The following HHATL variants were observed in gnomAD, a reference collection of about 807,000 sequenced individuals.
The protein encoded by HHATL is protein-cysteine N-palmitoyltransferase HHAT-like protein.
In HHATL, 49 loss-of-function variants were observed where a neutral mutation model predicts 59.7. That is an observed-to-expected ratio of 0.82 (90% CI 0.65 to 1.04). The LOEUF (loss-of-function observed/expected upper bound fraction) is 1.04, where lower values mean the gene tolerates loss of function less well. HHATL is among the 50% of genes least tolerant of loss of function. The pLI, the probability that HHATL is intolerant of heterozygous loss-of-function variation, is 0.00. For missense variants in HHATL, 605 were observed against 650.8 expected (o/e 0.93, Z 0.77); for synonymous variants, 238 against 257.3 (o/e 0.93, Z 0.72).
chr3:42,700,744 C>T lies in HHATL; in HGVS notation c.83G>A (p.Arg28Gln), dbSNP rs779951271. ...ACCTTGTGAAGCCTCAAGGAGGCCCCGGCCAGCATAGGCCAGGGCCCCACT... is the reference window on the plus strand; with the variant it reads ...ACCTTGTGAAGCCTCAAGGAGGCCCTGGCCAGCATAGGCCAGGGCCCCACT... ...VLSGALAYAG[R>Q]GLLEASQDGA... is the part of the protein sequence containing the mutation. Residue 28 changes from arginine (R) to glutamine (Q), a missense_variant, in exon 2 of 12, where the codon CGG becomes CAG. By Grantham distance (43) the Arg-to-Gln change is conservative. Coordinates refer to ENST00000441594, the MANE Select transcript of HHATL (RefSeq NM_020707.4). 63 of 1,612,966 alleles carry T rather than the reference C, an allele frequency of 3.9e-5. 1 individual carries two copies. In the South Asian group the frequency reaches 5.6e-4, roughly 14 times the overall value.
Position 42,700,781 on chromosome 3 carries a change from A to T in HHATL, c.46T>A (p.Ser16Thr). 6.2e-7 allele frequency: 1 copy of T among 1,613,854 alleles called. No individual in the cohort carries two copies. Among genetic ancestry groups the T allele is most frequent in the Non-Finnish European group, 8.5e-7 (1 of 1,179,858 alleles). Residue 16 changes from serine (S) to threonine (T), a missense_variant, in exon 2 of 12, where the codon TCT becomes ACT. By Grantham distance (58) the Ser-to-Thr change is moderately conservative. Transcript: ENST00000441594. ...ALPAAELGLY[S>T]LVLSGALAYA... is the part of the protein sequence containing the mutation. ...GCCAGGGCCCCACTCAGCACCAGAGAGTAGAGGCCCAGCTCAGCCGCCGGC... is the reference window on the plus strand; with the variant it reads ...GCCAGGGCCCCACTCAGCACCAGAGTGTAGAGGCCCAGCTCAGCCGCCGGC...
rs1413682347 is a variant in HHATL, at chr3:42,696,885, A to G, written c.1011-8T>C. Reference sequence around the variant, plus strand: ...ATGCCACGGTCAAAGTGCCTGTAAGAGGAAAGCAGATGGGCATGTTGCCAT... The same window carrying G: ...ATGCCACGGTCAAAGTGCCTGTAAGGGGAAAGCAGATGGGCATGTTGCCAT... On this transcript the variant is annotated splice_polypyrimidine_tract_variant and splice_region_variant and intron_variant, in intron 8 of 11. Coordinates refer to ENST00000441594, the MANE Select transcript of HHATL (RefSeq NM_020707.4). The G allele has an allele frequency of 2.2e-5, 36 of 1,614,160 alleles. No homozygotes were observed. Among genetic ancestry groups the G allele is most frequent in the Non-Finnish European group, 3.1e-5 (36 of 1,180,004 alleles).
In HHATL at chr3:42,697,521, T is replaced by G; in HGVS notation, c.852A>C (p.Pro284=). 2 of 1,613,710 alleles carry G rather than the reference T, an allele frequency of 1.2e-6. No individual in the cohort carries two copies. The highest frequency in any genetic ancestry group is 2.2e-5 in the South Asian group (2 of 91,014). ...PSDLKFANRL[P]DSALAGLAYS... is the part of the protein sequence containing the mutation. ...CTGTGGACCCACCGAGGGCACTGTC[T>G]GGGAGGCGGTTGGCGAACTTGAGGT... The change falls in exon 7 of 12, where the codon CCA becomes CCC. Residue 284 remains proline, a synonymous_variant. Coordinates refer to ENST00000441594, the MANE Select transcript of HHATL (RefSeq NM_020707.4).
intron 5 of HHATL, 61 bp downstream of exon 5, chr3:42,698,647 G>A (rs1360915996): frequency 6.0e-6 from 9 of 1,499,536 alleles, no homozygotes; most frequent in Non-Finnish European, 8.0e-6. Context: ...CAAGGACTTT[G>A]GATGAAGTGA....
chr3:42,692,904 A>C, intron 11 of HHATL, 29 bp from the exon 12 acceptor site: 6 of 1,610,014 alleles, frequency 3.7e-6, no homozygotes, highest in Non-Finnish European at 4.3e-6. Context: ...ATAGATGCTC[A>C]GGAGCAGCAC....
chr3:42,697,627 G>A lies in HHATL; in HGVS notation c.746C>T (p.Ala249Val), dbSNP rs754110706. 5 of 1,614,026 alleles carry A rather than the reference G, an allele frequency of 3.1e-6. No individual in the cohort carries two copies. In the Admixed American group the frequency reaches 5.0e-5, roughly 16 times the overall value. The stretch of plus-strand genomic sequence containing the variant: ...GGCCACCACGCTTAGGCCTGCCTGG[G>A]CTCGGATGTGCCACAGCTCACCCTC... ...RREGELWHIR[A>V]QAGLSVVAIM... Residue 249 changes from alanine to valine, a missense_variant, in exon 7 of 12, where the codon GCC becomes GTC. By Grantham distance (64) the Ala-to-Val change is moderately conservative. Transcript: ENST00000441594.
chr3:42,692,704 T>G lies in HHATL; in HGVS notation c.*47A>C. On this transcript the variant is annotated 3_prime_UTR_variant, in exon 12 of 12. Coordinates refer to ENST00000441594, the MANE Select transcript of HHATL (RefSeq NM_020707.4). ...TTTATTCTATCGGTCAGGCCCCATC[T>G]GGCCCAAGAATAGCTGAGCAGAGCC... 6.2e-7 allele frequency: 1 copy of G among 1,613,896 alleles called. No homozygotes were observed. The highest frequency in any genetic ancestry group is 8.5e-7 in the Non-Finnish European group (1 of 1,179,834).
chr3:42,698,723 G>C lies in HHATL; in HGVS notation c.468C>G (p.Pro156=). The change falls in exon 5 of 12, where the codon CCC becomes CCG. Residue 156 remains proline (P), a synonymous_variant. Transcript: ENST00000441594. Reference sequence around the variant, plus strand: ...CAGTTCACACCTGCCAAGAGATTAGGGGGTCCATCTTGAAGGAGGCCAGGC... The same window carrying C: ...CAGTTCACACCTGCCAAGAGATTAGCGGGTCCATCTTGAAGGAGGCCAGGC... ...LASLASFKMD[P]LISWQSGFVT... is the part of the protein sequence containing the mutation. 1.3e-6 allele frequency: 2 copies of C among 1,578,112 alleles called. No homozygotes were observed. The highest frequency in any genetic ancestry group is 1.7e-6 in the Non-Finnish European group (2 of 1,166,628).
At chr3:42,694,916 T>C (rs936299355) in intron 9 of HHATL, among the ~76,000 whole-genome samples, 1 of 152,234 alleles carries the variant, frequency 6.6e-6, no homozygotes, top group Non-Finnish European at 1.5e-5. Context: ...TTATGTTTGT[T>C]TACCTGTTTA....
rs1357509240 is a variant in HHATL, at chr3:42,693,693, A to T, written c.1172T>A (p.Phe391Tyr). ...GPCDIVYLWS[F>Y]LNCFGLNFEL... The stretch of plus-strand genomic sequence containing the variant: ...AAAGTTGAGGCCAAAGCAGTTAAGG[A>T]ATGACCACAGGTAGACAATGTCACA... The change falls in exon 10 of 12, where the codon TTC becomes TAC. Residue 391 changes from phenylalanine (F) to tyrosine (Y), a missense_variant. By Grantham distance (22) the Phe-to-Tyr change is conservative. Coordinates refer to ENST00000441594, the MANE Select transcript of HHATL (RefSeq NM_020707.4). The T allele has an allele frequency of 1.1e-5, 17 of 1,614,116 alleles. No individual in the cohort carries two copies. The highest frequency in any genetic ancestry group is 1.4e-5 in the Non-Finnish European group (17 of 1,180,018).
intron 2 of HHATL, among the ~76,000 whole-genome samples, chr3:42,700,252 G>C (rs1432771818): frequency 6.8e-6 from 1 of 146,610 alleles, no homozygotes; most frequent in African/African-American, 2.5e-5. Flanking sequence ...GTCTCTCTCT[G>C]TGTGTGTGTG....
chr3:42,695,601 G>T lies in HHATL; in HGVS notation c.1046+1241C>A, dbSNP rs114497848. The stretch of plus-strand genomic sequence containing the variant: ...GTATGAGTGGAGAGATAGTATGAGT[G>T]GGGGGATCCAGGCTGGGTTGTGGGG... On this transcript the variant is annotated intron_variant, in intron 9 of 11. Coordinates refer to ENST00000441594, the MANE Select transcript of HHATL (RefSeq NM_020707.4). Among the ~76,000 whole-genome samples, 373 of 152,294 alleles carry T rather than the reference G, an allele frequency of 2.4e-3. 2 individuals are homozygous for T. Among genetic ancestry groups the T allele is most frequent in the Admixed American group, 4.1e-3 (63 of 15,298 alleles).
Position 42,697,023 on chromosome 3 carries a change from C to G in HHATL, c.988G>C (p.Ala330Pro), listed in dbSNP as rs749215110. Residue 330 changes from alanine to proline, a missense_variant, in exon 8 of 12, where the codon GCA becomes CCA. Ala to Pro is a conservative substitution (Grantham distance 27, BLOSUM62 -1). Transcript: ENST00000441594. Reference sequence around the variant, plus strand: ...CACGTTTCCGCAAAGACGTAGAGTGCGGTGATGCACTTGGGAGGCTGGGGT... The same window carrying G: ...CACGTTTCCGCAAAGACGTAGAGTGGGGTGATGCACTTGGGAGGCTGGGGT... ...DPPQPPKCIT[A>P]LYVFAETHFD... 2 of 1,601,750 alleles carry G rather than the reference C, an allele frequency of 1.2e-6. No homozygotes were observed. Among genetic ancestry groups the G allele is most frequent in the Admixed American group, 3.4e-5 (2 of 59,216 alleles).
Position 42,693,095 on chromosome 3 carries a change from G to A in HHATL, c.1372C>T (p.Arg458Trp), listed in dbSNP as rs150455507. ...CCCTCACCTGTGAGTAGCAGGCGCC[G>A]GGCAACCAGCTCTGTGAATTTGAGG... The part of the protein sequence containing the change: ...NSLKFTELVA[R>W]RLLLTGFPQT... The change falls in exon 11 of 12, where the codon CGG becomes TGG. Residue 458 changes from arginine to tryptophan, a missense_variant. Arg to Trp is a moderately radical substitution (Grantham distance 101). Transcript: ENST00000441594. The A allele has an allele frequency of 5.1e-5, 82 of 1,614,126 alleles. No individual in the cohort carries two copies. Among genetic ancestry groups the A allele is most frequent in the African/African-American group, 8.0e-5 (6 of 75,028 alleles).
chr3:42,698,189 AG>A lies in HHATL; in HGVS notation c.645del (p.Phe216SerfsTer8), dbSNP rs756459953. 2 of 1,614,092 alleles carry A rather than the reference AG, an allele frequency of 1.2e-6. No individual in the cohort carries two copies. Among genetic ancestry groups the A allele is most frequent in the African/African-American group, 2.7e-5 (2 of 74,950 alleles). On this transcript the variant is annotated frameshift_variant, in exon 6 of 12. Transcript: ENST00000441594. LOFTEE classifies it high-confidence loss of function. ...GTCATGATGGGCCCGAAGAAGAAGA[AG>A]GGCAGGTAGAAGTTGTACTTGAGCA... ...ADLLKYNFYL[P>X]FFFFGPIMTF...
intron 7 of HHATL, 101 bp from the exon 8 acceptor site, chr3:42,697,246 C>T: frequency 7.1e-6 from 10 of 1,418,098 alleles, no homozygotes; most frequent in Non-Finnish European, 8.5e-6. Flanking sequence ...CCAGGCTCTG[C>T]CCGCCCCACG....
rs1261844953 is a variant in HHATL, at chr3:42,693,159, GA to G, written c.1307del (p.Phe436SerfsTer10). Reference sequence around the variant, plus strand: ...CAAGGTTGTACATGATGATGGCCCAGAAGTTCATGGCTCCAAACAGGGCCCG... The same window carrying G: ...CAAGGTTGTACATGATGATGGCCCAGAGTTCATGGCTCCAAACAGGGCCCG... ...RVRALFGAMN[F>X]WAIIMYNLVS... On this transcript the variant is annotated frameshift_variant, in exon 11 of 12. Transcript: ENST00000441594. LOFTEE classifies it high-confidence loss of function. 8 of 1,614,092 alleles carry G rather than the reference GA, an allele frequency of 5.0e-6. No homozygotes were observed. Among genetic ancestry groups the G allele is most frequent in the Non-Finnish European group, 5.1e-6 (6 of 1,180,042 alleles).
chr3:42,697,260 A>C, intron 7 of HHATL, 115 bp from the exon 8 acceptor site: 1 of 1,315,670 alleles, frequency 7.6e-7, no homozygotes, highest in Non-Finnish European at 1.0e-6. Context: ...CCCCACGGAG[A>C]CCCCCCCATA....
In HHATL at chr3:42,692,870, G is replaced by A. The variant is rs1559617197; in HGVS notation, c.1396C>T (p.Pro466Ser). The A allele has an allele frequency of 6.8e-6, 11 of 1,614,038 alleles. No homozygotes were observed. Among genetic ancestry groups the A allele is most frequent in the Non-Finnish European group, 9.3e-6 (11 of 1,180,012 alleles). The change falls in exon 12 of 12, where the codon CCC (proline) becomes TCC (serine). Residue 466 changes from proline (P) to serine (S), a missense_variant. By Grantham distance (74) the Pro-to-Ser change is moderately conservative. Coordinates refer to ENST00000441594, the MANE Select transcript of HHATL (RefSeq NM_020707.4). ...VARRLLLTGF[P>S]QTTLSILFVT... ...AACAGGATGGACAGCGTGGTCTGGG[G>A]GAACCCTGTGTGGGGAGGGAGTCAT... is the stretch of plus-strand genomic sequence containing the variant.
Sources: allele counts gnomAD v4.1 joint callset (sites outside exome capture counted in the v4.1 genomes callset), GRCh38; gene constraint gnomAD v4.1.1; transcripts MANE v1.5; gene names NCBI Gene and HGNC (gene_info 2026-07-23, HGNC 2026-07-21).